The following FAT3 variants were observed in gnomAD, a reference collection of about 807,000 sequenced individuals.
The protein encoded by FAT3 is FAT atypical cadherin 3.
FAT3 carries 95 observed loss-of-function variants against 310.2 expected under a neutral mutation model. The ratio of observed to expected loss-of-function variants is 0.31; its 90% CI spans 0.26 to 0.36. The LOEUF (loss-of-function observed/expected upper bound fraction) is 0.36, where lower values mean the gene tolerates loss of function less well. Ranked by LOEUF, FAT3 falls within the 10% of genes least tolerant of loss-of-function variation. The pLI, the probability that FAT3 is intolerant of heterozygous loss-of-function variation, is 1.00. For missense variants in FAT3, 5,408 were observed against 5,715.6 expected, an observed-to-expected ratio of 0.95 and a Z score of 1.74; for synonymous variants, 2,314 against 2,192.9, an observed-to-expected ratio of 1.06 and a Z score of -1.54.
In FAT3 at chr11:92,883,591, C is replaced by T. The variant is rs539886453; in HGVS notation, c.12937+198C>T. Among the ~76,000 whole-genome samples the T allele has an allele frequency of 9.2e-5, 14 of 152,260 alleles. No homozygotes were observed. The East Asian group carries it at 2.7e-3, about 29-fold the overall frequency. ...CCATTTACAGATGGGAGAAATGAAG[C>T]TCAGAGAGGGTAACATCATGAGCCC... On this transcript the variant is annotated intron_variant, in intron 24 of 27. Coordinates refer to ENST00000525166, the MANE Select transcript of FAT3 (RefSeq NM_001367949.2). This position sits in a 1 kb window ranked among gnomAD's most constrained non-coding sequence, Gnocchi z 4.2.
chr11:92,649,073 T>C (rs1159179682), intron 3 of FAT3, among the ~76,000 whole-genome samples: 1 of 152,198 alleles, frequency 6.6e-6, no homozygotes, highest in South Asian at 2.1e-4. Context: ...ATGGTGATAT[T>C]TGTCTCTCAT....
intron 3 of FAT3, among the ~76,000 whole-genome samples, chr11:92,675,643 A>G (rs1268585460): frequency 1.3e-5 from 2 of 152,116 alleles, no homozygotes; most frequent in African/African-American, 4.8e-5. Flanking sequence ...TTATAATCAT[A>G]CTGTCTTAGG....
chr11:92,293,982 G>T (rs1377799132), intron 1 of FAT3, among the ~76,000 whole-genome samples: 1 of 152,004 alleles, frequency 6.6e-6, no homozygotes, highest in Admixed American at 6.6e-5. Flanking sequence ...TATTAAATCT[G>T]TCAGTTTCCT....
At chr11:92,557,040 C>A (rs1489004989) in intron 3 of FAT3, among the ~76,000 whole-genome samples, 2 of 152,008 alleles carry the variant, frequency 1.3e-5, no homozygotes, top group Admixed American at 6.6e-5. Context: ...TCTCTAACTT[C>A]TGCTTGGCAA....
chr11:92,230,220 T>A (rs1028278563), intron 1 of FAT3, among the ~76,000 whole-genome samples: 40 of 114,576 alleles, frequency 3.5e-4, no homozygotes, highest in African/African-American at 1.2e-3. Flanking sequence ...TTCTGTAAAG[T>A]CACATGGAAT....
chr11:92,462,303 T>C (rs1328539613), intron 2 of FAT3, among the ~76,000 whole-genome samples: 2 of 152,184 alleles, frequency 1.3e-5, no homozygotes, highest in East Asian at 3.9e-4. Flanking sequence ...AGGTAGTTTT[T>C]CCATCCTCAC....
chr11:92,357,843 T>G (rs1229374673), intron 2 of FAT3, among the ~76,000 whole-genome samples: 2 of 151,972 alleles, frequency 1.3e-5, no homozygotes, highest in East Asian at 3.9e-4. Context: ...CTGCATTTGC[T>G]CCATTGTATT....
At chr11:92,796,186 T>A (rs1487786583) in intron 9 of FAT3, among the ~76,000 whole-genome samples, 1 of 152,192 alleles carries the variant, frequency 6.6e-6, no homozygotes, top group Non-Finnish European at 1.5e-5. Flanking sequence ...ACCTGTTGGA[T>A]TCACACTCAA....
chr11:92,661,331 G>A (rs918832606), intron 3 of FAT3, among the ~76,000 whole-genome samples: 3 of 152,124 alleles, frequency 2.0e-5, no homozygotes, highest in South Asian at 2.1e-4. Flanking sequence ...ACATGAAGCC[G>A]ACAGAAAGGT....
intron 2 of FAT3, among the ~76,000 whole-genome samples, chr11:92,488,450 G>GCCACC (rs1467231982): frequency 1.4e-3 from 13 of 9,366 alleles, no homozygotes; most frequent in African/African-American, 2.3e-3. Context: ...AACTAGCACC[G>GCCACC]CCCCCCCCCC....
At chr11:92,491,119 G>A (rs1032935007) in intron 2 of FAT3, among the ~76,000 whole-genome samples, 3 of 151,990 alleles carry the variant, frequency 2.0e-5, no homozygotes, top group Admixed American at 1.3e-4. Flanking sequence ...AATGGGATTA[G>A]GAAGGACCTT....
At chr11:92,577,194 C>T (rs570402429) in intron 3 of FAT3, among the ~76,000 whole-genome samples, 2 of 152,042 alleles carry the variant, frequency 1.3e-5, no homozygotes, top group South Asian at 2.1e-4. Context: ...CTGCAACCTC[C>T]GCCTCCTGGG....
At chr11:92,828,454 T>A (rs577077523) in intron 13 of FAT3, among the ~76,000 whole-genome samples, 16 of 152,186 alleles carry the variant, frequency 1.1e-4, no homozygotes, top group Non-Finnish European at 2.2e-4. Flanking sequence ...AGCAGGTTTT[T>A]TGTCCTGGGT....
At chr11:92,266,640 G>A (rs1591028892) in intron 1 of FAT3, among the ~76,000 whole-genome samples, 1 of 152,152 alleles carries the variant, frequency 6.6e-6, no homozygotes, top group East Asian at 1.9e-4. Flanking sequence ...TGGAGTGTCT[G>A]TGGCTGAAAA....
At chr11:92,496,856 C>T (rs1952783303) in intron 2 of FAT3, among the ~76,000 whole-genome samples, 1 of 151,992 alleles carries the variant, frequency 6.6e-6, no homozygotes, top group African/African-American at 2.4e-5. Flanking sequence ...AGAAGAGGCA[C>T]TGAAGGCAAC....
intron 2 of FAT3, among the ~76,000 whole-genome samples, chr11:92,407,503 G>C (rs1201630658): frequency 6.6e-6 from 1 of 152,138 alleles, no homozygotes; most frequent in Non-Finnish European, 1.5e-5. Flanking sequence ...TTGTACCTTT[G>C]CTTCAGTTCA....
intron 2 of FAT3, among the ~76,000 whole-genome samples, chr11:92,477,919 T>C (rs1952091300): frequency 6.6e-6 from 1 of 152,182 alleles, no homozygotes; most frequent in African/African-American, 2.4e-5. Context: ...GCTAGGAAAC[T>C]GTGTGCATGT....
chr11:92,703,668 C>G (rs144285313), intron 4 of FAT3, among the ~76,000 whole-genome samples: 205 of 152,290 alleles, frequency 1.3e-3, no homozygotes, highest in Non-Finnish European at 2.5e-3. Context: ...GTATCAACCT[C>G]GATAGTTAAT....
intron 2 of FAT3, among the ~76,000 whole-genome samples, chr11:92,423,284 A>C (rs1950567624): frequency 2.0e-5 from 3 of 152,172 alleles, no homozygotes; most frequent in Admixed American, 6.5e-5. Context: ...AGTCGGTTGC[A>C]AAGAGCATTG....
Sources: allele counts gnomAD v4.1 joint callset (sites outside exome capture counted in the v4.1 genomes callset), GRCh38; gene constraint gnomAD v4.1.1; non-coding constraint Gnocchi (gnomAD v3.1); transcripts MANE v1.5; gene names NCBI Gene and HGNC (gene_info 2026-07-23, HGNC 2026-07-21).